Variants in KCNAB2 observed in about 807,000 individuals in gnomAD.
The protein encoded by KCNAB2 is voltage-gated potassium channel subunit beta-2.
In KCNAB2, 29 loss-of-function variants were observed where a neutral mutation model predicts 63.6. The ratio of observed to expected loss-of-function variants is 0.46; its 90% confidence interval spans 0.34 to 0.62. The LOEUF is 0.62. KCNAB2 is among the 20% of genes least tolerant of loss of function. The pLI, the probability that KCNAB2 is intolerant of heterozygous loss-of-function variation, is 0.01. For missense variants in KCNAB2, 359 were observed against 563.9 expected (o/e 0.64, Z 3.68); for synonymous variants, 222 against 224.2 (o/e 0.99, Z 0.09).
chr1:5,998,927 C>T (rs1444347984), intron 1 of KCNAB2, among the ~76,000 whole-genome samples: 2 of 152,230 alleles, frequency 1.3e-5, no homozygotes, highest in African/African-American at 2.4e-5. Flanking sequence ...ACTTTGCCGC[C>T]AATGGCTCTG....
At chr1:6,085,076 G>A (rs1006181074) in intron 5 of KCNAB2, 128 bp from the exon 6 acceptor site, 4 of 944,570 alleles carry the variant, frequency 4.2e-6, no homozygotes, top group Non-Finnish European at 6.9e-6. Context: ...CAAGGCGGGT[G>A]TTAACAGCCT....
At chr1:6,025,240 A>G (rs575052505) in intron 1 of KCNAB2, among the ~76,000 whole-genome samples, 51 of 152,196 alleles carry the variant, frequency 3.4e-4, no homozygotes, top group Non-Finnish European at 6.2e-4. Context: ...AGAGCTGTGT[A>G]CCTATGCCAG....
intron 2 of KCNAB2, among the ~76,000 whole-genome samples, 169 bp downstream of exon 2, chr1:6,051,923 G>C (rs558425662): frequency 1.3e-5 from 2 of 152,236 alleles, no homozygotes; most frequent in East Asian, 3.9e-4. Flanking sequence ...GGCCAACCTG[G>C]TGAAACACCA....
intron 10 of KCNAB2, among the ~76,000 whole-genome samples, chr1:6,093,576 G>A (rs1455925808): frequency 6.6e-6 from 1 of 152,226 alleles, no homozygotes; most frequent in Non-Finnish European, 1.5e-5. Context: ...AGGGCCTTAG[G>A]AGTCTCCGCC....
chr1:5,998,393 C>T (rs1281224681), intron 1 of KCNAB2, among the ~76,000 whole-genome samples: 1 of 152,154 alleles, frequency 6.6e-6, no homozygotes, highest in African/African-American at 2.4e-5. Flanking sequence ...GCTCGGTTGA[C>T]CTTGGGTTTC....
intron 2 of KCNAB2, among the ~76,000 whole-genome samples, chr1:6,056,247 G>T (rs1389921110): frequency 6.6e-6 from 1 of 152,044 alleles, no homozygotes; most frequent in Non-Finnish European, 1.5e-5. Flanking sequence ...GTTTCACCAC[G>T]TTGGCCAGGC....
chr1:6,096,288 C>T lies in KCNAB2; in HGVS notation c.949-348C>T. ...AGCACTCCCCTAGGGCCAGGAGGTT[C>T]TTCTGGGCCACGGGTGGCAGCCGAG... On this transcript the variant is annotated intron_variant, in intron 13 of 15. Coordinates refer to ENST00000378083, the MANE Select transcript of KCNAB2 (RefSeq NM_001199862.2). The surrounding 1 kb of genome is among the most constrained non-coding windows in gnomAD (Gnocchi z 5.9). 1 of 389,298 alleles carries T rather than the reference C, an allele frequency of 2.6e-6. No homozygotes were observed. The highest frequency in any genetic ancestry group is 2.0e-5 in the South Asian group (1 of 49,856). The allele number at this position is 389,298 out of a possible 1,614,324, so 24.1% of individuals were successfully genotyped here.
chr1:6,029,954 G>A (rs1659472031), upstream of KCNAB2, among the ~76,000 whole-genome samples: 1 of 152,236 alleles, frequency 6.6e-6, no homozygotes, highest in Non-Finnish European at 1.5e-5. Flanking sequence ...ACCGACTTTG[G>A]ATCAAGACTT....
intron 4 of KCNAB2, among the ~76,000 whole-genome samples, chr1:6,075,633 A>G (rs57449719): frequency 0.12 from 18,708 of 152,270 alleles, 3,708 homozygotes; most frequent in African/African-American, 0.42. Context: ...TTCAGATGAA[A>G]AGGGTTTGTG....
At chr1:6,007,523 G>GCGCCTCCTCCA (rs1336509716) in intron 1 of KCNAB2, 1 of 152,526 alleles carries the variant, frequency 6.6e-6, no homozygotes, top group South Asian at 2.0e-4. Context: ...CGCCTCCTCC[G>GCGCCTCCTCCA]CGCCTCCTCT....
At chr1:6,064,629 C>T (rs1459535846) in intron 2 of KCNAB2, among the ~76,000 whole-genome samples, 1 of 152,176 alleles carries the variant, frequency 6.6e-6, no homozygotes, top group Non-Finnish European at 1.5e-5. Context: ...GCCTCTTCAG[C>T]AGCCCATGAG....
intron 10 of KCNAB2, among the ~76,000 whole-genome samples, chr1:6,092,346 C>T (rs926509180): frequency 3.3e-5 from 5 of 152,240 alleles, no homozygotes; most frequent in African/African-American, 1.2e-4. Flanking sequence ...TCAGGACAGC[C>T]AGAGGCTCCT....
intron 15 of KCNAB2, 152 bp from the exon 16 acceptor site, chr1:6,098,333 G>A (rs569510803): frequency 4.6e-5 from 65 of 1,424,610 alleles, no homozygotes; most frequent in Admixed American, 2.6e-4. Flanking sequence ...CAAAAGCAGC[G>A]TGGCCTCCAT....
At chr1:6,048,939 G>A (rs1175361704) in intron 1 of KCNAB2, among the ~76,000 whole-genome samples, 7 of 152,362 alleles carry the variant, frequency 4.6e-5, no homozygotes, top group African/African-American at 1.7e-4. Flanking sequence ...CTCTCCTGGA[G>A]TCCGGGCCTC....
upstream of KCNAB2, among the ~76,000 whole-genome samples, chr1:6,043,905 T>G (rs964688567): frequency 3.9e-5 from 6 of 152,236 alleles, no homozygotes; most frequent in African/African-American, 1.4e-4. Context: ...GTCTGCGGGT[T>G]GACCAGGCAG....
rs1307285146 is a variant in KCNAB2 at position 6,019,632 on chromosome 1, C to T, written c.-52-20885C>T. On this transcript the variant is annotated intron_variant, in intron 1 of 16. Coordinates refer to the KCNAB2 transcript ENST00000341524. The stretch of plus-strand genomic sequence containing the variant: ...TCTCCAAAGCCCAGCTTGCCAGCCT[C>T]GACCTGAGCGTCTTCACTGATACAG... Among the ~76,000 whole-genome samples, 7 of 152,358 alleles carry T rather than the reference C, an allele frequency of 4.6e-5. No homozygotes were observed. The East Asian group carries it at 5.8e-4, about 13-fold the overall frequency.
chr1:6,037,285 A>C (rs1426760921), intron 1 of KCNAB2, among the ~76,000 whole-genome samples: 1 of 152,156 alleles, frequency 6.6e-6, no homozygotes, highest in Non-Finnish European at 1.5e-5. Flanking sequence ...GACCCAAGAG[A>C]GAGTGAAGTG....
At chr1:6,090,254 A>G (rs934229900) in intron 8 of KCNAB2, 135 bp from the exon 9 acceptor site, 10 of 588,316 alleles carry the variant, frequency 1.7e-5, no homozygotes, top group African/African-American at 1.1e-4. Context: ...CACGACCTCC[A>G]TCAGCTTCTG....
chr1:6,094,538 C>A lies in KCNAB2; in HGVS notation c.732+53C>A, dbSNP rs1571105300. ...TCCAGGCACAGACTCCCGGCACCGG[C>A]TGCGTATGGAGACCCCAAAGCTCTG... On this transcript the variant is annotated intron_variant, in intron 11 of 15. Coordinates refer to ENST00000378083, the MANE Select transcript of KCNAB2 (RefSeq NM_001199862.2). The A allele has an allele frequency of 1.2e-5, 18 of 1,457,164 alleles. No homozygotes were observed. In the East Asian group the frequency reaches 3.8e-4, roughly 31 times the overall value. 90.3% of individuals were successfully genotyped at this position (1,457,164 alleles called of 1,614,324 possible).
Sources: gnomAD v4.1 joint callset for allele counts (sites outside exome capture counted in the v4.1 genomes callset) on GRCh38, gnomAD v4.1.1 for gene constraint, Gnocchi (gnomAD v3.1) non-coding constraint, MANE v1.5 for transcripts, NCBI Gene and HGNC (gene_info 2026-07-23, HGNC 2026-07-21) for gene names.